Variants in RALGAPA2 observed in about 807,000 individuals in gnomAD.
The protein encoded by RALGAPA2 is Ral GTPase activating protein catalytic subunit alpha 2.
A neutral mutation model predicts 230.4 loss-of-function variants in RALGAPA2; 139 were observed. That is an observed-to-expected ratio of 0.60 (90% CI 0.53 to 0.69). The LOEUF is 0.69. Ranked by LOEUF, RALGAPA2 falls within the 30% of genes least tolerant of loss-of-function variation. RALGAPA2 has a pLI of 0.00. For missense variants in RALGAPA2, 2,163 were observed against 2,276.0 expected, an observed-to-expected ratio of 0.95 and a Z score of 1.01; for synonymous variants, 847 against 837.8, an observed-to-expected ratio of 1.01 and a Z score of -0.19.
chr20:20,614,652 G>T (rs898150654), intron 13 of RALGAPA2, among the ~76,000 whole-genome samples: 3 of 152,178 alleles, frequency 2.0e-5, no homozygotes, highest in African/African-American at 7.2e-5. Context: ...GATGCCTGTG[G>T]TTTCTGTACT....
At position 20,419,211 on chromosome 20, in the gene RALGAPA2, C is replaced by T. The variant is rs17717802; in HGVS notation, c.5496-7063G>A. ...GGCTGGTGCAAGTGGGTGTCAGTACCGGGACGTGTTTTAGTGTTCCTTAGA... is the reference window on the plus strand; with the variant it reads ...GGCTGGTGCAAGTGGGTGTCAGTACTGGGACGTGTTTTAGTGTTCCTTAGA... On this transcript the variant is annotated intron_variant, in intron 37 of 39. Coordinates refer to ENST00000202677, the MANE Select transcript of RALGAPA2 (RefSeq NM_020343.4). Among the ~76,000 whole-genome samples, 872 of 152,146 alleles carry T rather than the reference C, an allele frequency of 5.7e-3. 2 individuals carry two copies. The highest frequency in any genetic ancestry group is 0.01 in the Non-Finnish European group (689 of 68,008).
chr20:20,661,665 T>C (rs1271102778), intron 3 of RALGAPA2, among the ~76,000 whole-genome samples: 1 of 152,162 alleles, frequency 6.6e-6, no homozygotes, highest in African/African-American at 2.4e-5. Flanking sequence ...AATACACAGA[T>C]GTGTACTGGT....
At chr20:20,601,936 C>T in intron 15 of RALGAPA2, 90 bp from the exon 16 acceptor site, 1 of 1,155,454 alleles carries the variant, frequency 8.7e-7, no homozygotes, top group Non-Finnish European at 1.2e-6. Context: ...GTACCTACAA[C>T]TATATATAAT....
intron 20 of RALGAPA2, among the ~76,000 whole-genome samples, chr20:20,575,179 C>T (rs921755380): frequency 6.6e-6 from 1 of 152,186 alleles, no homozygotes; most frequent in Non-Finnish European, 1.5e-5. Flanking sequence ...TAATCTCATA[C>T]AGATTTACTG....
At chr20:20,548,266 A>C (rs946185100) in intron 23 of RALGAPA2, among the ~76,000 whole-genome samples, 2 of 152,196 alleles carry the variant, frequency 1.3e-5, no homozygotes, top group African/African-American at 4.8e-5. Flanking sequence ...AACATGCTAA[A>C]TTCTAACATG....
At chr20:20,494,628 C>T (rs556877673) in intron 36 of RALGAPA2, among the ~76,000 whole-genome samples, 3 of 152,268 alleles carry the variant, frequency 2.0e-5, no homozygotes, top group East Asian at 1.9e-4. Flanking sequence ...TCCAGAGTCC[C>T]GGCCTCTTCG....
In RALGAPA2 at chr20:20,472,919, A is replaced by G. The variant is rs772551131; in HGVS notation, c.5405T>C (p.Val1802Ala). 6.2e-7 allele frequency: 1 copy of G among 1,612,898 alleles called. No homozygotes were observed. The highest frequency in any genetic ancestry group is 8.5e-7 in the Non-Finnish European group (1 of 1,179,508). ...FFGPLFDGAIVSGKLLPSLVC... is the reference protein window; with the variant it reads ...FFGPLFDGAIASGKLLPSLVC... The stretch of plus-strand genomic sequence containing the variant: ...AAGGCTTGGCAGCAGCTTCCCACTC[A>G]CTATGGCTCCATCAAACAGAGGCCC... Residue 1802 changes from valine to alanine, a missense_variant, in exon 37 of 40, where the codon GTG becomes GCG. Coordinates refer to ENST00000202677, the MANE Select transcript of RALGAPA2 (RefSeq NM_020343.4).
chr20:20,487,814 A>C (rs1182303757), intron 36 of RALGAPA2, among the ~76,000 whole-genome samples: 1 of 150,822 alleles, frequency 6.6e-6, no homozygotes, highest in Non-Finnish European at 1.5e-5. Flanking sequence ...CAGGAGGCTG[A>C]GGTGCGAGGA....
chr20:20,529,872 G>A (rs1342582912), intron 27 of RALGAPA2, among the ~76,000 whole-genome samples: 1 of 152,126 alleles, frequency 6.6e-6, no homozygotes, highest in African/African-American at 2.4e-5. Context: ...AACACACCGA[G>A]TTATTCATAG....
At chr20:20,488,915 C>G (rs1375883740) in intron 36 of RALGAPA2, among the ~76,000 whole-genome samples, 4 of 152,212 alleles carry the variant, frequency 2.6e-5, no homozygotes. Flanking sequence ...TGAAGCACTC[C>G]TGTTCCCAAG....
At chr20:20,660,864 C>T (rs976486155) in intron 3 of RALGAPA2, among the ~76,000 whole-genome samples, 1 of 152,054 alleles carries the variant, frequency 6.6e-6, no homozygotes, top group Non-Finnish European at 1.5e-5. Flanking sequence ...GCAACTAACA[C>T]CAGTCTTGTT....
chr20:20,522,584 A>G (rs2063077394), intron 30 of RALGAPA2, among the ~76,000 whole-genome samples: 1 of 152,178 alleles, frequency 6.6e-6, no homozygotes, highest in Non-Finnish European at 1.5e-5. Flanking sequence ...AGGCACAGAG[A>G]AGGCTTCCAG....
chr20:20,682,557 CCA>C (rs56231830), intron 1 of RALGAPA2, among the ~76,000 whole-genome samples: 2,008 of 152,250 alleles, frequency 0.013, 19 homozygotes, highest in Non-Finnish European at 0.019. Context: ...TGTGTGGCCC[CCA>C]CTCTATGCTT....
chr20:20,683,991 C>T (rs909303562), intron 1 of RALGAPA2, among the ~76,000 whole-genome samples: 8 of 152,166 alleles, frequency 5.3e-5, no homozygotes, highest in African/African-American at 1.7e-4. Flanking sequence ...CAGAGTGCGC[C>T]ACCTGTATAT....
At chr20:20,522,688 T>G (rs2063081134) in intron 30 of RALGAPA2, among the ~76,000 whole-genome samples, 1 of 152,240 alleles carries the variant, frequency 6.6e-6, no homozygotes, top group African/African-American at 2.4e-5. Context: ...TACAGACTGA[T>G]GCAGTTTTCT....
At chr20:20,578,248 G>A (rs534391836) in intron 20 of RALGAPA2, among the ~76,000 whole-genome samples, 1 of 152,218 alleles carries the variant, frequency 6.6e-6, no homozygotes, top group African/African-American at 2.4e-5. Context: ...CAGAACAGAT[G>A]CTGACATTTT....
chr20:20,584,753 C>T (rs981632603), intron 19 of RALGAPA2, 112 bp downstream of exon 19: 6 of 843,986 alleles, frequency 7.1e-6, no homozygotes, highest in African/African-American at 5.2e-5. Context: ...AGCACTCCAG[C>T]CTGGGCGAAA....
intron 37 of RALGAPA2, among the ~76,000 whole-genome samples, chr20:20,413,698 G>A (rs577771290): frequency 1.1e-3 from 160 of 152,300 alleles, no homozygotes; most frequent in African/African-American, 3.6e-3. Context: ...GAATTTCTCC[G>A]TAAGTTTGTT....
intron 10 of RALGAPA2, among the ~76,000 whole-genome samples, chr20:20,624,182 C>A (rs112523469): frequency 0.01 from 1,549 of 152,160 alleles, 24 homozygotes; most frequent in African/African-American, 0.036. Flanking sequence ...CAAAAATTAG[C>A]TGGGTGTGGT....
Sources: allele counts gnomAD v4.1 joint callset (sites outside exome capture counted in the v4.1 genomes callset), GRCh38; gene constraint gnomAD v4.1.1; transcripts MANE v1.5; gene names NCBI Gene and HGNC (gene_info 2026-07-23, HGNC 2026-07-21).